PPARGC1A: variants seen among roughly 807,000 people sequenced by gnomAD.
The protein encoded by PPARGC1A is PPARG coactivator 1 alpha.
A neutral mutation model predicts 88.7 loss-of-function variants in PPARGC1A; 25 were observed. That is an observed-to-expected ratio of 0.28 (90% CI 0.21 to 0.39). The LOEUF (loss-of-function observed/expected upper bound fraction) is 0.39, where lower values mean the gene tolerates loss of function less well. PPARGC1A is among the 10% of genes least tolerant of loss of function. The probability of loss-of-function intolerance (pLI) is 1.00; values close to 1 mark genes in which losing one functional copy is unlikely to be tolerated. For missense variants in PPARGC1A, 880 were observed against 968.7 expected (o/e 0.91, Z 1.22); for synonymous variants, 363 against 355.6 (o/e 1.02, Z -0.24).
the PPARGC1A span, among the ~76,000 whole-genome samples, chr4:24,010,670 T>C: frequency 1.3e-5 from 2 of 152,212 alleles, no homozygotes; most frequent in East Asian, 3.8e-4. Context: ...TATAAAAATA[T>C]ACATTAACAC....
the PPARGC1A span, among the ~76,000 whole-genome samples, chr4:24,355,924 C>T: frequency 2.6e-5 from 4 of 152,030 alleles, no homozygotes; most frequent in Non-Finnish European, 5.9e-5. Context: ...CGGCGGGGCA[C>T]GATGGCTCAT....
the PPARGC1A span, among the ~76,000 whole-genome samples, chr4:24,069,833 C>T: frequency 6.6e-6 from 1 of 152,124 alleles, no homozygotes; most frequent in Non-Finnish European, 1.5e-5. Flanking sequence ...TCTGTACTGA[C>T]AATAAACTTT....
At chr4:24,150,220 T>C in the PPARGC1A span, among the ~76,000 whole-genome samples, 48 of 152,160 alleles carry the variant, frequency 3.2e-4, no homozygotes, top group African/African-American at 1.1e-3. Flanking sequence ...CCTAGGCTGG[T>C]GTACTAGCGA....
At chr4:24,435,282 T>G in the PPARGC1A span, among the ~76,000 whole-genome samples, 9,483 of 152,220 alleles carry the variant, frequency 0.062, 407 homozygotes, top group East Asian at 0.13. Context: ...CAGCAAGAAG[T>G]CTGATAATGG....
the PPARGC1A span, among the ~76,000 whole-genome samples, chr4:24,452,282 C>CACAT: frequency 4.6e-5 from 7 of 151,398 alleles, no homozygotes; most frequent in Non-Finnish European, 1.0e-4. Context: ...CACACACACA[C>CACAT]GCACACATGC....
At chr4:24,439,818 C>G in the PPARGC1A span, among the ~76,000 whole-genome samples, 1 of 152,178 alleles carries the variant, frequency 6.6e-6, no homozygotes, top group African/African-American at 2.4e-5. Context: ...CTCTGGGGTT[C>G]TAGGCTTGGA....
chr4:24,107,747 T>C, the PPARGC1A span, among the ~76,000 whole-genome samples: 60 of 152,300 alleles, frequency 3.9e-4, no homozygotes, highest in African/African-American at 1.2e-3. Flanking sequence ...TAGGGAGCCA[T>C]GGAGGACTTC....
At chr4:23,833,378 A>G (rs1560403565) in intron 2 of PPARGC1A, among the ~76,000 whole-genome samples, 1 of 152,206 alleles carries the variant, frequency 6.6e-6, no homozygotes, top group African/African-American at 2.4e-5. Context: ...AGCACTTCAC[A>G]TTGTTTGTTC....
At chr4:24,109,598 A>G in the PPARGC1A span, among the ~76,000 whole-genome samples, 38 of 152,174 alleles carry the variant, frequency 2.5e-4, no homozygotes, top group Non-Finnish European at 4.7e-4. Context: ...CTGAAATGTT[A>G]GAGTCTCCAT....
chr4:23,971,812 G>A, the PPARGC1A span, among the ~76,000 whole-genome samples: 4 of 152,050 alleles, frequency 2.6e-5, no homozygotes, highest in East Asian at 1.9e-4. Flanking sequence ...GTTGACACTC[G>A]GTATTAACCA....
At chr4:24,085,054 C>T in the PPARGC1A span, among the ~76,000 whole-genome samples, 1 of 152,176 alleles carries the variant, frequency 6.6e-6, no homozygotes, top group Non-Finnish European at 1.5e-5. Flanking sequence ...TTTCTTTAAA[C>T]ATGAAGTAAA....
At chr4:23,821,600 A>G (rs973702262) in intron 7 of PPARGC1A, among the ~76,000 whole-genome samples, 10 of 152,100 alleles carry the variant, frequency 6.6e-5, no homozygotes, top group African/African-American at 2.4e-4. Context: ...GATAAGAAGT[A>G]AGGTACAACG....
At chr4:24,349,509 G>A in the PPARGC1A span, among the ~76,000 whole-genome samples, 6 of 152,284 alleles carry the variant, frequency 3.9e-5, no homozygotes, top group Non-Finnish European at 7.3e-5. Flanking sequence ...GAGATTACCA[G>A]GTCACTGGAG....
At chr4:24,208,100 G>A in the PPARGC1A span, among the ~76,000 whole-genome samples, 3 of 152,024 alleles carry the variant, frequency 2.0e-5, no homozygotes, top group Non-Finnish European at 2.9e-5. Context: ...ACAATATAAA[G>A]AGACCCTCTC....
the PPARGC1A span, among the ~76,000 whole-genome samples, chr4:24,087,922 G>A: frequency 6.6e-6 from 1 of 152,194 alleles, no homozygotes; most frequent in Non-Finnish European, 1.5e-5. Context: ...AGAAGTGAGT[G>A]AGCAAGGCAT....
intron 10 of PPARGC1A, among the ~76,000 whole-genome samples, chr4:23,808,706 T>C (rs557205625): frequency 6.6e-6 from 1 of 152,270 alleles, no homozygotes; most frequent in East Asian, 1.9e-4. Flanking sequence ...ACTGAAACAA[T>C]GGTAACATTC....
the PPARGC1A span, among the ~76,000 whole-genome samples, chr4:23,941,076 G>T: frequency 1.3e-5 from 2 of 151,930 alleles, no homozygotes; most frequent in African/African-American, 4.8e-5. Context: ...TTAGAGACAG[G>T]GTCTCACTCT....
chr4:23,946,939 C>G, the PPARGC1A span, among the ~76,000 whole-genome samples: 6 of 152,180 alleles, frequency 3.9e-5, no homozygotes, highest in African/African-American at 1.4e-4. Context: ...TTAGAACAAT[C>G]AAACTGAACC....
the PPARGC1A span, among the ~76,000 whole-genome samples, chr4:24,334,097 G>T: frequency 6.6e-6 from 1 of 151,918 alleles, no homozygotes; most frequent in Non-Finnish European, 1.5e-5. Context: ...AAAGTTTTAG[G>T]AGTTCTGGGG....
Sources: allele counts gnomAD v4.1 joint callset (sites outside exome capture counted in the v4.1 genomes callset), GRCh38; gene constraint gnomAD v4.1.1; transcripts MANE v1.5; gene names NCBI Gene and HGNC (gene_info 2026-07-23, HGNC 2026-07-21).